Variants in SLC5A9 observed in about 807,000 individuals in gnomAD.
SLC5A9 encodes solute carrier family 5 member 9, also known as sodium/glucose cotransporter 4.
Under a neutral mutation model 70.9 loss-of-function variants are expected in SLC5A9, and 59 were observed. The ratio of observed to expected loss-of-function variants is 0.83; its 90% CI spans 0.68 to 1.03. The LOEUF is 1.03. Ranked by LOEUF, SLC5A9 falls within the 50% of genes least tolerant of loss-of-function variation. The pLI is 0.00. For synonymous variants in SLC5A9, 340 were observed against 346.5 expected, an observed-to-expected ratio of 0.98 and a Z score of 0.21; for missense variants, 832 against 881.1, an observed-to-expected ratio of 0.94 and a Z score of 0.71.
At chr1:48,230,486 T>A in intron 4 of SLC5A9, 114 bp from the exon 5 acceptor site, 1 of 704,032 alleles carries the variant, frequency 1.4e-6, no homozygotes, top group Non-Finnish European at 2.6e-6. Context: ...CTCATTTTCA[T>A]CATGTGATGA....
At chr1:48,226,883 T>C (rs1159994439) in intron 2 of SLC5A9, among the ~76,000 whole-genome samples, 1 of 152,210 alleles carries the variant, frequency 6.6e-6, no homozygotes, top group East Asian at 1.9e-4. Flanking sequence ...TTCTTTGCTC[T>C]GACTGGGTGG....
At position 48,229,827 on chromosome 1, in the gene SLC5A9, G is replaced by A. The variant is rs1216366001; in HGVS notation, c.504+368G>A. 3.3e-5 allele frequency among the ~76,000 whole-genome samples: 5 copies of A among 152,310 alleles called. No homozygotes were observed. In the South Asian group the frequency reaches 1.0e-3, roughly 32 times the overall value. On this transcript the variant is annotated intron_variant, in intron 4 of 13. Coordinates refer to ENST00000438567, the MANE Select transcript of SLC5A9 (RefSeq NM_001011547.3). ...TAAAATCAGGAAACAAACCTAGACA[G>A]GTCAAATGACTTGCCCAAGCCCACA...
chr1:48,235,702 G>A (rs369988973), intron 9 of SLC5A9, 27 bp from the exon 10 acceptor site: 141 of 1,613,222 alleles, frequency 8.7e-5, no homozygotes, highest in Non-Finnish European at 8.6e-5. Flanking sequence ...TGGGCCAGCC[G>A]TTCACATGAG....
chr1:48,247,690 C>G lies in SLC5A9; in HGVS notation c.*147C>G. ...CTCCCCTGAAGAGAATCCAACTCAA[C>G]CTGCACACTTGACAAGTGGAGAAAC... On this transcript the variant is annotated 3_prime_UTR_variant, in exon 14 of 14. Coordinates refer to ENST00000438567, the MANE Select transcript of SLC5A9 (RefSeq NM_001011547.3). 1.4e-6 allele frequency: 1 copy of G among 738,428 alleles called. No homozygotes were observed. The highest frequency in any genetic ancestry group is 1.7e-5 in the South Asian group (1 of 57,148). 45.7% of individuals were successfully genotyped at this position (738,428 alleles called of 1,614,324 possible).
intron 4 of SLC5A9, 40 bp downstream of exon 4, chr1:48,229,499 C>A (rs773567045): frequency 6.2e-7 from 1 of 1,607,204 alleles, no homozygotes; most frequent in South Asian, 1.1e-5. Flanking sequence ...TCTGGAAATG[C>A]TAATTAGGGA....
chr1:48,232,977 AAAGGAAGGAAGGAAGGGG>A (rs1644273481), intron 8 of SLC5A9, among the ~76,000 whole-genome samples: 1 of 140,434 alleles, frequency 7.1e-6, no homozygotes, highest in Admixed American at 7.3e-5. Context: ...GGAGGAAAGA[AAAGGAAGGAAGGAAGGGG>A]AAGGAAGGAA....
At chr1:48,245,828 G>A (rs1049451708) in intron 13 of SLC5A9, among the ~76,000 whole-genome samples, 11 of 151,894 alleles carry the variant, frequency 7.2e-5, no homozygotes, top group African/African-American at 2.4e-4. Context: ...GGGCGTGGTG[G>A]TGCACACCTG....
chr1:48,223,130 C>T (rs1644096015), intron 1 of SLC5A9, among the ~76,000 whole-genome samples: 1 of 152,028 alleles, frequency 6.6e-6, no homozygotes, highest in Non-Finnish European at 1.5e-5. Flanking sequence ...GACCAGGCCC[C>T]CGACTCCTGA....
chr1:48,239,390 C>T lies in SLC5A9; in HGVS notation c.1530C>T (p.Tyr510=). ...GLLRMILEFS[Y]PAPACGEVDR... ...TGCGTATGATCCTGGAGTTCTCATA[C>T]CCAGCGCCAGCCTGTGGGGAGGTGG... The change falls in exon 12 of 14, where the codon TAC becomes TAT. Residue 510 remains tyrosine (Y), a synonymous_variant. Transcript: ENST00000438567. This position sits in a 1 kb window ranked among gnomAD's most constrained non-coding sequence, Gnocchi z 4.2. 1 of 1,614,172 alleles carries T rather than the reference C, an allele frequency of 6.2e-7. No homozygotes were observed. Among genetic ancestry groups the T allele is most frequent in the Middle Eastern group, 1.6e-4 (1 of 6,062 alleles).
chr1:48,239,365 T>C lies in SLC5A9; in HGVS notation c.1505T>C (p.Leu502Pro). The stretch of plus-strand genomic sequence containing the variant: ...GTGTTTGGCCTGGGAGTGGGGCTTC[T>C]GCGTATGATCCTGGAGTTCTCATAC... ...GLVFGLGVGL[L>P]RMILEFSYPA... Residue 502 changes from leucine to proline, a missense_variant, in exon 12 of 14, where the codon CTG becomes CCG. By Grantham distance (98) the Leu-to-Pro change is moderately conservative (BLOSUM62 -3). Transcript: ENST00000438567. The surrounding 1 kb of genome is among the most constrained non-coding windows in gnomAD (Gnocchi z 4.2). The C allele has an allele frequency of 6.2e-7, 1 of 1,613,980 alleles. No individual in the cohort carries two copies. Among genetic ancestry groups the C allele is most frequent in the Non-Finnish European group, 8.5e-7 (1 of 1,179,848 alleles).
chr1:48,242,958 C>T (rs570800705), intron 13 of SLC5A9, among the ~76,000 whole-genome samples: 120 of 150,592 alleles, frequency 8.0e-4, no homozygotes, highest in African/African-American at 2.8e-3. Context: ...GCATGCTTGG[C>T]TCAGTCCTGT....
intron 11 of SLC5A9, chr1:48,238,559 C>A (rs1198136751): frequency 6.6e-6 from 1 of 152,158 alleles, no homozygotes; most frequent in Non-Finnish European, 1.5e-5. Flanking sequence ...ATCATGGACA[C>A]CACTCCACAA....
rs764904713 is a variant in SLC5A9 at position 48,237,896 on chromosome 1, C to T, written c.1461+49C>T. ...CACATACAGCAGAGGGGCTGGAGACCTGGTCTGTCAATCACCTGGTCTCTG... is the reference window on the plus strand; with the variant it reads ...CACATACAGCAGAGGGGCTGGAGACTTGGTCTGTCAATCACCTGGTCTCTG... On this transcript the variant is annotated intron_variant, in intron 11 of 13. Transcript: ENST00000438567. 5.0e-6 allele frequency: 8 copies of T among 1,589,498 alleles called. No individual in the cohort carries two copies. In the African/African-American group the frequency reaches 1.1e-4, roughly 21 times the overall value.
At chr1:48,232,837 G>GAGGA (rs1450723075) in intron 8 of SLC5A9, among the ~76,000 whole-genome samples, 1 of 148,418 alleles carries the variant, frequency 6.7e-6, no homozygotes, top group African/African-American at 2.5e-5. Context: ...AAGAGGGAGG[G>GAGGA]AGGAAGGAAG....
chr1:48,236,584 G>T (rs1179584888), intron 10 of SLC5A9, among the ~76,000 whole-genome samples: 3 of 152,194 alleles, frequency 2.0e-5, no homozygotes, highest in Admixed American at 2.0e-4. Context: ...TAAGGTTAAG[G>T]GGCCCTTTTT....
intron 2 of SLC5A9, among the ~76,000 whole-genome samples, chr1:48,226,521 C>A (rs1263132945): frequency 6.6e-6 from 1 of 152,234 alleles, no homozygotes; most frequent in Non-Finnish European, 1.5e-5. Context: ...GCACCTGAGA[C>A]CTGGGTCCTG....
chr1:48,245,175 A>G (rs1281900730), intron 13 of SLC5A9, among the ~76,000 whole-genome samples: 1 of 151,386 alleles, frequency 6.6e-6, no homozygotes, highest in Non-Finnish European at 1.5e-5. Flanking sequence ...AAGCAATCTG[A>G]GAGCATGAGC....
intron 11 of SLC5A9, among the ~76,000 whole-genome samples, chr1:48,238,848 T>C (rs549571489): frequency 6.6e-6 from 1 of 152,324 alleles, no homozygotes; most frequent in African/African-American, 2.4e-5. Flanking sequence ...GAGCTTTTCT[T>C]AAAAACAACA....
Position 48,232,168 on chromosome 1 carries a change from G to A in SLC5A9, c.897+17G>A, listed in dbSNP as rs1215768004. 6.3e-7 allele frequency: 1 copy of A among 1,598,014 alleles called. No homozygotes were observed. Among genetic ancestry groups the A allele is most frequent in the Non-Finnish European group, 8.6e-7 (1 of 1,168,904 alleles). ...ACAGACCAGGTAATCCCCCAGCCAG[G>A]CTTAGCCCAGCCTGCCAGGAAGTGG... On this transcript the variant is annotated intron_variant, in intron 7 of 13. Transcript: ENST00000438567.
Sources: gnomAD v4.1 joint callset for allele counts (sites outside exome capture counted in the v4.1 genomes callset) on GRCh38, gnomAD v4.1.1 for gene constraint, Gnocchi (gnomAD v3.1) non-coding constraint, MANE v1.5 for transcripts, NCBI Gene and HGNC (gene_info 2026-07-23, HGNC 2026-07-21) for gene names.